The following SEMA5A variants were observed in gnomAD, a reference collection of about 807,000 sequenced individuals.
SEMA5A encodes semaphorin-5A.
SEMA5A carries 55 observed loss-of-function variants against 135.5 expected under a neutral mutation model. The ratio of observed to expected loss-of-function variants is 0.41; its 90% CI spans 0.33 to 0.51. SEMA5A has a LOEUF of 0.51. Among genes scored for constraint, SEMA5A ranks in the 20% least tolerant of loss-of-function variants. The pLI is 0.37. For synonymous variants in SEMA5A, 580 were observed against 546.5 expected, an observed-to-expected ratio of 1.06 and a Z score of -0.85; for missense variants, 1,290 against 1,419.9, an observed-to-expected ratio of 0.91 and a Z score of 1.47.
intron 2 of SEMA5A, among the ~76,000 whole-genome samples, chr5:9,399,916 A>G (rs1756575625): frequency 6.6e-6 from 1 of 152,104 alleles, no homozygotes; most frequent in South Asian, 2.1e-4. Context: ...GTGAAGGGGG[A>G]TAAGATACTG....
intron 2 of SEMA5A, among the ~76,000 whole-genome samples, chr5:9,413,465 A>G (rs1480498542): frequency 6.6e-6 from 1 of 152,252 alleles, no homozygotes; most frequent in Non-Finnish European, 1.5e-5. Context: ...TAGGAGTCAC[A>G]TAAACGGGCT....
intron 16 of SEMA5A, among the ~76,000 whole-genome samples, chr5:9,088,794 G>T (rs1561141078): frequency 6.6e-6 from 1 of 151,920 alleles, no homozygotes; most frequent in African/African-American, 2.4e-5. Flanking sequence ...TTGTATTTCT[G>T]CAGTTTCTTG....
chr5:9,082,228 C>T (rs1237656848), intron 16 of SEMA5A, among the ~76,000 whole-genome samples: 1 of 152,116 alleles, frequency 6.6e-6, no homozygotes, highest in Non-Finnish European at 1.5e-5. Flanking sequence ...ATAGAAGTTA[C>T]CCTTCTTCTG....
At chr5:9,459,783 GAA>G (rs1478546283) in intron 1 of SEMA5A, among the ~76,000 whole-genome samples, 1 of 152,130 alleles carries the variant, frequency 6.6e-6, no homozygotes, top group African/African-American at 2.4e-5. Flanking sequence ...TAAATACAGA[GAA>G]AGATAAATAA....
At chr5:9,169,871 G>A (rs1348205169) in intron 11 of SEMA5A, among the ~76,000 whole-genome samples, 1 of 152,158 alleles carries the variant, frequency 6.6e-6, no homozygotes, top group African/African-American at 2.4e-5. Flanking sequence ...TGCTCATTAG[G>A]TGAATATTTA....
intron 3 of SEMA5A, among the ~76,000 whole-genome samples, chr5:9,341,657 AAT>A (rs1255456970): frequency 1.4e-4 from 11 of 77,104 alleles, no homozygotes; most frequent in East Asian, 4.9e-4. Flanking sequence ...ATATATATAT[AAT>A]ATATATAATA....
intron 5 of SEMA5A, among the ~76,000 whole-genome samples, chr5:9,283,729 G>A (rs1483540835): frequency 6.6e-6 from 1 of 152,180 alleles, no homozygotes; most frequent in African/African-American, 2.4e-5. Flanking sequence ...TACTGTACCA[G>A]TTTGCCTCTG....
intron 12 of SEMA5A, among the ~76,000 whole-genome samples, chr5:9,146,357 T>C (rs948324000): frequency 3.3e-5 from 5 of 152,220 alleles, no homozygotes; most frequent in African/African-American, 7.2e-5. Context: ...CTGTGCTTTA[T>C]TACATTTTTG....
chr5:9,467,470 C>T (rs1390306188), intron 1 of SEMA5A, among the ~76,000 whole-genome samples: 1 of 152,146 alleles, frequency 6.6e-6, no homozygotes, highest in East Asian at 1.9e-4. Context: ...GAACTCCAGG[C>T]ACCTTCCACT....
chr5:9,361,298 C>CA (rs35091885), intron 3 of SEMA5A, among the ~76,000 whole-genome samples: 33,270 of 127,606 alleles, frequency 0.26, 3,929 homozygotes, highest in South Asian at 0.35. Context: ...GACTCTGTCT[C>CA]AAAAAAAAAA....
intron 12 of SEMA5A, among the ~76,000 whole-genome samples, chr5:9,138,383 G>C (rs572456344): frequency 2.0e-5 from 3 of 151,954 alleles, no homozygotes; most frequent in Admixed American, 1.3e-4. Flanking sequence ...ATTGTTTATA[G>C]GCAAATATAT....
chr5:9,135,174 ACTTT>A (rs969475030), intron 13 of SEMA5A, among the ~76,000 whole-genome samples: 9 of 136,628 alleles, frequency 6.6e-5, no homozygotes, highest in African/African-American at 2.2e-4. Flanking sequence ...TGGTTTTCCG[ACTTT>A]CTTTTTTTTT....
intron 5 of SEMA5A, among the ~76,000 whole-genome samples, chr5:9,247,959 C>T (rs1263575107): frequency 1.3e-5 from 2 of 152,124 alleles, no homozygotes; most frequent in Non-Finnish European, 2.9e-5. Flanking sequence ...ATATTGAACA[C>T]TCTCATAACT....
chr5:9,202,007 T>C lies in SEMA5A; in HGVS notation c.880A>G (p.Thr294Ala). Residue 294 changes from threonine to alanine, a missense_variant, in exon 9 of 23, where the codon ACT becomes GCT. By Grantham distance (58) the Thr-to-Ala change is moderately conservative. Coordinates refer to ENST00000382496, the MANE Select transcript of SEMA5A (RefSeq NM_003966.3). ...VPFYYNELQSTFFLPELDLIY... is the reference protein window; with the variant it reads ...VPFYYNELQSAFFLPELDLIY... Reference sequence around the variant, plus strand: ...AAATCCAGCTCAGGCAGGAAGAAAGTACTCTGCAATTCGTTGTAGTAAAAG... The same window carrying C: ...AAATCCAGCTCAGGCAGGAAGAAAGCACTCTGCAATTCGTTGTAGTAAAAG... 6.2e-7 allele frequency: 1 copy of C among 1,614,162 alleles called. No homozygotes were observed. Among genetic ancestry groups the C allele is most frequent in the African/African-American group, 1.3e-5 (1 of 75,044 alleles).
intron 2 of SEMA5A, among the ~76,000 whole-genome samples, chr5:9,420,445 G>A (rs1419461382): frequency 2.6e-5 from 4 of 152,246 alleles, no homozygotes; most frequent in Non-Finnish European, 5.9e-5. Context: ...CTGGAGAGAA[G>A]GGGAAATATT....
At chr5:9,337,982 G>A (rs1753471162) in intron 3 of SEMA5A, among the ~76,000 whole-genome samples, 170 bp from the exon 4 acceptor site, 1 of 152,078 alleles carries the variant, frequency 6.6e-6, no homozygotes. Context: ...TGCCCCATAA[G>A]CCATACTAAG....
chr5:9,081,357 A>C (rs1214396412), intron 16 of SEMA5A, among the ~76,000 whole-genome samples: 2 of 152,120 alleles, frequency 1.3e-5, no homozygotes, highest in Non-Finnish European at 2.9e-5. Flanking sequence ...GTATTAAACA[A>C]CTGAATTTGT....
intron 5 of SEMA5A, among the ~76,000 whole-genome samples, chr5:9,257,458 C>A (rs1289555358): frequency 1.4e-5 from 2 of 141,776 alleles, no homozygotes; most frequent in African/African-American, 5.1e-5. Flanking sequence ...TTTTTTTTTT[C>A]CATTCTACAT....
intron 8 of SEMA5A, among the ~76,000 whole-genome samples, chr5:9,215,899 G>A (rs1746594208): frequency 6.6e-6 from 1 of 151,666 alleles, no homozygotes; most frequent in Non-Finnish European, 1.5e-5. Flanking sequence ...CTTCAGTTCA[G>A]CTCTGATTTT....
Sources: allele counts gnomAD v4.1 joint callset (sites outside exome capture counted in the v4.1 genomes callset), GRCh38; gene constraint gnomAD v4.1.1; transcripts MANE v1.5; gene names NCBI Gene and HGNC (gene_info 2026-07-23, HGNC 2026-07-21).